Variants in MOV10L1 observed in about 807,000 individuals in gnomAD.
MOV10L1 encodes Mov10 like RNA helicase 1.
Under a neutral mutation model 143.8 loss-of-function variants are expected in MOV10L1, and 110 were observed. That is an observed-to-expected ratio of 0.76 (90% CI 0.66 to 0.90). MOV10L1 has a LOEUF of 0.90. Ranked by LOEUF, MOV10L1 falls within the 40% of genes least tolerant of loss-of-function variation. The probability of loss-of-function intolerance (pLI) is 0.00; values close to 1 mark genes in which losing one functional copy is unlikely to be tolerated. For missense variants in MOV10L1, 1,406 were observed against 1,526.8 expected, an observed-to-expected ratio of 0.92 and a Z score of 1.32; for synonymous variants, 593 against 581.1, an observed-to-expected ratio of 1.02 and a Z score of -0.29.
chr22:50,121,789 A>T lies in MOV10L1; in HGVS notation c.1569+1173A>T, dbSNP rs76695624. Among the ~76,000 whole-genome samples the T allele has an allele frequency of 3.3e-5, 5 of 152,294 alleles. No homozygotes were observed. In the South Asian group the frequency reaches 1.0e-3, roughly 32 times the overall value. On this transcript the variant is annotated intron_variant, in intron 10 of 26. Transcript: ENST00000262794. ...TGGAGGGTGCTCCTCAGTTCCTTCC[A>T]CAGGCCACCGACTTGATGTTTTGAT... is the stretch of plus-strand genomic sequence containing the variant.
At chr22:50,153,326 G>C in intron 22 of MOV10L1, 108 bp downstream of exon 22, 2 of 1,307,802 alleles carry the variant, frequency 1.5e-6, no homozygotes, top group Non-Finnish European at 2.1e-6. Flanking sequence ...CGGGGCAGAT[G>C]TTCTGCTGGT....
At chr22:50,094,618 C>G (rs1233049844) in intron 2 of MOV10L1, 2 of 152,126 alleles carry the variant, frequency 1.3e-5, no homozygotes, top group East Asian at 1.9e-4. Context: ...CCAGGATGGT[C>G]TCGATCTCCT....
At chr22:50,148,453 G>A (rs1008885820) in intron 19 of MOV10L1, among the ~76,000 whole-genome samples, 6 of 152,100 alleles carry the variant, frequency 3.9e-5, no homozygotes, top group Admixed American at 6.5e-5. Context: ...TTCTCCTGAC[G>A]ACTCCTTCCC....
chr22:50,160,825 A>T lies in MOV10L1; in HGVS notation c.3462A>T (p.Arg1154=). Residue 1154 remains arginine, a splice_region_variant and synonymous_variant, in exon 25 of 27, where the codon CGA becomes CGT. Transcript: ENST00000262794. ...TGGGAAACCCCCATGTTCTCGTTCG[A>T]GTGAGTTTTCAGGCACTGGGTGGGC... The part of the protein sequence containing the change: ...IVLGNPHVLV[R]DPCFGALLEY... 1 of 1,613,934 alleles carries T rather than the reference A, an allele frequency of 6.2e-7. No homozygotes were observed. The highest frequency in any genetic ancestry group is 8.5e-7 in the Non-Finnish European group (1 of 1,179,902).
At chr22:50,115,362 C>G in intron 8 of MOV10L1, 116 bp downstream of exon 8, 1 of 1,203,986 alleles carries the variant, frequency 8.3e-7, no homozygotes. Flanking sequence ...ACCAGGAGTT[C>G]GAAACCAGCC....
chr22:50,142,337 G>A (rs2063012700), intron 16 of MOV10L1, 148 bp downstream of exon 16: 1 of 553,702 alleles, frequency 1.8e-6, no homozygotes, highest in Non-Finnish European at 3.1e-6. Context: ...CACCCTGACT[G>A]GAGACTTGGT....
At position 50,142,109 on chromosome 22, in the gene MOV10L1, A is replaced by C; in HGVS notation, c.2099A>C (p.Glu700Ala). Residue 700 changes from glutamate to alanine, a missense_variant, in exon 16 of 27, where the codon GAG becomes GCG. By Grantham distance (107) the Glu-to-Ala change is moderately radical. Transcript: ENST00000262794. ...AGGAAAACAATGACGGACCAAGCTGAGCATGGAACAGAGGAGAGGCGTGTT... is the reference window on the plus strand; with the variant it reads ...AGGAAAACAATGACGGACCAAGCTGCGCATGGAACAGAGGAGAGGCGTGTT... ...KNRKTMTDQA[E>A]HGTEERRVGD... 1 of 1,612,102 alleles carries C rather than the reference A, an allele frequency of 6.2e-7. No individual in the cohort carries two copies. The highest frequency in any genetic ancestry group is 2.2e-5 in the East Asian group (1 of 44,768).
chr22:50,158,078 A>G lies in MOV10L1; in HGVS notation c.3088A>G (p.Lys1030Glu). ...GVRGSEAREG[K>E]SPSWFNPAEA... ...CCAGGGCAGCGAGGCACGGGAGGGAAAAAGCCCATCGTGGTTCAACCCGGC... is the reference window on the plus strand; with the variant it reads ...CCAGGGCAGCGAGGCACGGGAGGGAGAAAGCCCATCGTGGTTCAACCCGGC... The change falls in exon 23 of 27, where the codon AAA becomes GAA. Residue 1030 changes from lysine to glutamate, a missense_variant. By Grantham distance (56) the Lys-to-Glu change is moderately conservative (BLOSUM62 1). This residue lies in a region of MOV10L1 where 1,233 missense variants were observed against 1,351.4 expected (regional missense o/e 0.91). Transcript: ENST00000262794. This position sits in a 1 kb window ranked among gnomAD's most constrained non-coding sequence, Gnocchi z 5.0. 6.2e-7 allele frequency: 1 copy of G among 1,614,042 alleles called. No individual in the cohort carries two copies. Among genetic ancestry groups the G allele is most frequent in the African/African-American group, 1.3e-5 (1 of 75,058 alleles).
chr22:50,160,715 G>A lies in MOV10L1; in HGVS notation c.3352G>A (p.Asp1118Asn). 2 of 1,614,120 alleles carry A rather than the reference G, an allele frequency of 1.2e-6. No homozygotes were observed. Among genetic ancestry groups the A allele is most frequent in the Non-Finnish European group, 1.7e-6 (2 of 1,180,014 alleles). The change falls in exon 25 of 27, where the codon GAT becomes AAT. Residue 1118 changes from aspartate (D) to asparagine (N), a missense_variant. Asp to Asn is a conservative substitution (Grantham distance 23). Transcript: ENST00000262794. ...ACGGTCAAATGAAGATAGATTTGAAGATGATCGATATTTTTTGGGTTTCTT... is the reference window on the plus strand; with the variant it reads ...ACGGTCAAATGAAGATAGATTTGAAAATGATCGATATTTTTTGGGTTTCTT... The part of the protein sequence containing the change: ...TVRSNEDRFE[D>N]DRYFLGFLSN...
At chr22:50,132,339 G>C (rs2062701126) in intron 13 of MOV10L1, among the ~76,000 whole-genome samples, 1 of 152,174 alleles carries the variant, frequency 6.6e-6, no homozygotes, top group Non-Finnish European at 1.5e-5. Context: ...TCTACAGAAA[G>C]CCTGTTGGGA....
chr22:50,144,220 A>G lies in MOV10L1; in HGVS notation c.2482A>G (p.Asn828Asp). ...ACAGCCGGCCACCATGGTCCGGGTG[A>G]ACGCCACCTGCAGGTTCGAGGAGGT... is the stretch of plus-strand genomic sequence containing the variant. Reference protein sequence around the residue: ...VLQPATMVRVNATCRFEEIVI... With the variant: ...VLQPATMVRVDATCRFEEIVI... Residue 828 changes from asparagine (N) to aspartate (D), a missense_variant, in exon 18 of 27, where the codon AAC becomes GAC. By Grantham distance (23) the Asn-to-Asp change is conservative. This residue lies in a region of MOV10L1 where 1,233 missense variants were observed against 1,351.4 expected (regional missense o/e 0.91). Coordinates refer to ENST00000262794, the MANE Select transcript of MOV10L1 (RefSeq NM_018995.3). 6.2e-7 allele frequency: 1 copy of G among 1,608,356 alleles called. No homozygotes were observed. The highest frequency in any genetic ancestry group is 8.5e-7 in the Non-Finnish European group (1 of 1,175,632).
At chr22:50,160,309 C>T (rs180766294) in intron 24 of MOV10L1, among the ~76,000 whole-genome samples, 217 of 149,516 alleles carry the variant, frequency 1.5e-3, no homozygotes, top group African/African-American at 4.2e-3. Context: ...TGCAGTGGCG[C>T]GATCTCGGCT....
intron 24 of MOV10L1, 50 bp from the exon 25 acceptor site, chr22:50,160,638 C>T (rs1443102096): frequency 9.5e-6 from 15 of 1,571,694 alleles, no homozygotes; most frequent in Admixed American, 7.5e-5. Flanking sequence ...TCTCTTCATG[C>T]CCCCCAAAAA....
At chr22:50,157,305 T>G (rs564781724) in intron 22 of MOV10L1, among the ~76,000 whole-genome samples, 3 of 152,320 alleles carry the variant, frequency 2.0e-5, no homozygotes, top group African/African-American at 7.2e-5. Flanking sequence ...ACGTTGTTGA[T>G]TGCGTCCGTT....
chr22:50,100,492 G>A (rs1228186167), intron 3 of MOV10L1, among the ~76,000 whole-genome samples: 1 of 151,996 alleles, frequency 6.6e-6, no homozygotes. Flanking sequence ...GTTTCCTAAA[G>A]TATATATCCT....
At position 50,150,740 on chromosome 22, in the gene MOV10L1, G is replaced by T. The variant is rs576803631; in HGVS notation, c.2733G>T (p.Val911=). ...GACGGGCCCTCTGTGTGCAGATCGT[G>T]CTGGCAGGAGACCCCATGCAGCTCG... is the stretch of plus-strand genomic sequence containing the variant. ...GLMSDISGQI[V]LAGDPMQLGP... Residue 911 remains valine, a synonymous_variant, in exon 21 of 27, where the codon GTG becomes GTT. Coordinates refer to ENST00000262794, the MANE Select transcript of MOV10L1 (RefSeq NM_018995.3). 5 of 1,613,848 alleles carry T rather than the reference G, an allele frequency of 3.1e-6. No individual in the cohort carries two copies. The highest frequency in any genetic ancestry group is 4.2e-6 in the Non-Finnish European group (5 of 1,179,912).
At chr22:50,138,427 A>G (rs1358355326) in intron 15 of MOV10L1, among the ~76,000 whole-genome samples, 1 of 152,026 alleles carries the variant, frequency 6.6e-6, no homozygotes, top group Non-Finnish European at 1.5e-5. Flanking sequence ...GCATGGTGGC[A>G]CACACCTGTA....
At chr22:50,098,266 TAATCAC>T (rs1569268583) in intron 2 of MOV10L1, among the ~76,000 whole-genome samples, 1 of 82,848 alleles carries the variant, frequency 1.2e-5, no homozygotes, top group Non-Finnish European at 3.3e-5. Context: ...AACATCTTAA[TAATCAC>T]ATAATCACTT....
chr22:50,109,386 G>A (rs1044616860), intron 5 of MOV10L1, among the ~76,000 whole-genome samples: 18 of 151,682 alleles, frequency 1.2e-4, no homozygotes, highest in East Asian at 7.9e-4. Flanking sequence ...TTAGCCAAGC[G>A]AGGCCGGGCA....
Sources: gnomAD v4.1 joint callset for allele counts (sites outside exome capture counted in the v4.1 genomes callset) on GRCh38, gnomAD v4.1.1 for gene constraint, gnomAD v4.1.1 regional missense constraint, Gnocchi (gnomAD v3.1) non-coding constraint, MANE v1.5 for transcripts, NCBI Gene and HGNC (gene_info 2026-07-23, HGNC 2026-07-21) for gene names.